RNASEH1: variants seen among roughly 807,000 people sequenced by gnomAD.
RNASEH1 encodes the protein ribonuclease H1.
In RNASEH1, 27 loss-of-function variants were observed where a neutral mutation model predicts 34.6. That is an observed-to-expected ratio of 0.78 (90% confidence interval 0.58 to 1.08). The LOEUF (loss-of-function observed/expected upper bound fraction) is 1.08, where lower values mean the gene tolerates loss of function less well. Among genes scored for constraint, RNASEH1 ranks in the 50% least tolerant of loss-of-function variants. The pLI is 0.00. For missense variants in RNASEH1, 349 were observed against 373.6 expected, an observed-to-expected ratio of 0.93 and a Z score of 0.54; for synonymous variants, 162 against 138.4, an observed-to-expected ratio of 1.17 and a Z score of -1.20.
Position 3,552,111 on chromosome 2 carries a change from G to GT in RNASEH1, c.409+32dup. 3 of 1,574,036 alleles carry GT rather than the reference G, an allele frequency of 1.9e-6. No homozygotes were observed. In the South Asian group the frequency reaches 3.5e-5, roughly 18 times the overall value. On this transcript the variant is annotated intron_variant, in intron 3 of 7. Transcript: ENST00000315212. ...TACACATAACATTTTCCTGACTGTG[G>GT]TATTAAAATCTGAAAACCCAAGGAA...
intron 7 of RNASEH1, 56 bp from the exon 8 acceptor site, chr2:3,545,927 T>C (rs930224700): frequency 1.6e-6 from 2 of 1,230,286 alleles, no homozygotes; most frequent in South Asian, 2.4e-5. Context: ...AAGCAACACA[T>C]GACTATATTG....
chr2:3,556,694 C>T, intron 2 of RNASEH1, 95 bp downstream of exon 2: 2 of 751,716 alleles, frequency 2.7e-6, no homozygotes, highest in Non-Finnish European at 4.6e-6. Flanking sequence ...AGGTTCCCTA[C>T]ATGCCTAGAG....
rs1668308211 is a variant in RNASEH1, at chr2:3,541,546, G to A, written c.*4239C>T. Among the ~76,000 whole-genome samples the A allele has an allele frequency of 6.6e-6, 1 of 152,168 alleles. No homozygotes were observed. The highest frequency in any genetic ancestry group is 2.1e-4 in the South Asian group (1 of 4,832). ...GTATATCCATGCAATACAAAATGTG[G>A]ATTATTGATGTACACAAAATGGGTG... On this transcript the variant is annotated 3_prime_UTR_variant, in exon 8 of 8. Transcript: ENST00000315212.
chr2:3,554,252 A>T (rs1429589483), intron 2 of RNASEH1, among the ~76,000 whole-genome samples: 1 of 152,254 alleles, frequency 6.6e-6, no homozygotes, highest in Non-Finnish European at 1.5e-5. Flanking sequence ...CTACTGAAGT[A>T]AATGCAGATA....
In RNASEH1 at chr2:3,541,873, C is replaced by A. The variant is rs1210651544; in HGVS notation, c.*3912G>T. Among the ~76,000 whole-genome samples, 1 of 152,180 alleles carries A rather than the reference C, an allele frequency of 6.6e-6. No homozygotes were observed. Among genetic ancestry groups the A allele is most frequent in the Non-Finnish European group, 1.5e-5 (1 of 68,036 alleles). ...AGCTGTTTTAAAAAGCAAGGTGGGG[C>A]CGGCTTTGGTGGCTCACACCTGTAA... is the stretch of plus-strand genomic sequence containing the variant. On this transcript the variant is annotated 3_prime_UTR_variant, in exon 8 of 8. Transcript: ENST00000315212.
At chr2:3,546,213 A>C (rs1247135017) in intron 7 of RNASEH1, among the ~76,000 whole-genome samples, 3 of 152,210 alleles carry the variant, frequency 2.0e-5, no homozygotes, top group African/African-American at 7.2e-5. Context: ...ACACACACAC[A>C]CGCTTCCCTT....
At chr2:3,546,883 G>A (rs1396992205) in intron 7 of RNASEH1, among the ~76,000 whole-genome samples, 1 of 152,202 alleles carries the variant, frequency 6.6e-6, no homozygotes, top group African/African-American at 2.4e-5. Flanking sequence ...AGCACTTTGA[G>A]AGGCCAAGGC....
At chr2:3,547,797 T>C (rs1452829172) in intron 7 of RNASEH1, 134 bp downstream of exon 7, 6 of 929,260 alleles carry the variant, frequency 6.5e-6, no homozygotes, top group Non-Finnish European at 9.9e-6. Context: ...TCAAATACGT[T>C]GTAATATACA....
At chr2:3,532,365 G>C in the RNASEH1 span, 3 of 702,182 alleles carry the variant, frequency 4.3e-6, no homozygotes, top group African/African-American at 5.2e-5. Flanking sequence ...GTGCCAGCCA[G>C]AGAGGGCCCG....
At chr2:3,533,286 CAGCGGAA>C in the RNASEH1 span, 1 of 152,222 alleles carries the variant, frequency 6.6e-6, no homozygotes, top group African/African-American at 2.4e-5. Flanking sequence ...CAAATAAAAC[CAGCGGAA>C]AGCAGCCCAC....
chr2:3,534,621 G>A, the RNASEH1 span, among the ~76,000 whole-genome samples: 8 of 152,380 alleles, frequency 5.3e-5, no homozygotes, highest in Admixed American at 1.3e-4. Flanking sequence ...GGCTGAGCGC[G>A]GATCCTGTGG....
intron 7 of RNASEH1, 113 bp downstream of exon 7, chr2:3,547,818 A>T: frequency 9.7e-7 from 1 of 1,027,532 alleles, no homozygotes; most frequent in South Asian, 1.4e-5. Context: ...TTATGATATT[A>T]ATATCATGGA....
At chr2:3,536,088 T>G in the RNASEH1 span, among the ~76,000 whole-genome samples, 1 of 152,142 alleles carries the variant, frequency 6.6e-6, no homozygotes, top group Non-Finnish European at 1.5e-5. Flanking sequence ...AAAAGAACAT[T>G]GCCAGCAGAG....
At chr2:3,550,585 G>A (rs552097127) in intron 3 of RNASEH1, 113 bp from the exon 4 acceptor site, 14 of 777,306 alleles carry the variant, frequency 1.8e-5, no homozygotes, top group South Asian at 4.3e-5. Flanking sequence ...ATTTTACAAC[G>A]CTGCAGACGT....
chr2:3,548,956 AAT>A, intron 5 of RNASEH1, 100 bp downstream of exon 5: 3 of 1,018,128 alleles, frequency 2.9e-6, no homozygotes, highest in African/African-American at 1.6e-5. Flanking sequence ...TCTCTCTTCA[AAT>A]ATCTTATATG....
At chr2:3,550,207 G>A (rs1171254338) in intron 4 of RNASEH1, 166 bp downstream of exon 4, 77 of 465,422 alleles carry the variant, frequency 1.7e-4, no homozygotes, top group Middle Eastern at 7.0e-4. Flanking sequence ...GTTCTGAAAA[G>A]CAATGCCGCT....
intron 2 of RNASEH1, among the ~76,000 whole-genome samples, chr2:3,553,211 G>GC (rs1196008120): frequency 6.6e-6 from 1 of 151,460 alleles, no homozygotes; most frequent in Non-Finnish European, 1.5e-5. Context: ...TCGCGCCACT[G>GC]CACTCCAGCC....
chr2:3,532,722 C>CA, the RNASEH1 span, among the ~76,000 whole-genome samples: 3 of 152,148 alleles, frequency 2.0e-5, no homozygotes, highest in African/African-American at 7.2e-5. Context: ...GCATCATTGA[C>CA]AGAAATGTTG....
chr2:3,550,527 C>A, intron 3 of RNASEH1, 55 bp from the exon 4 acceptor site: 1 of 1,377,524 alleles, frequency 7.3e-7, no homozygotes, highest in East Asian at 2.3e-5. Flanking sequence ...AACTGAAATT[C>A]ACCTCAAAAA....
Sources: allele counts gnomAD v4.1 joint callset (sites outside exome capture counted in the v4.1 genomes callset), GRCh38; gene constraint gnomAD v4.1.1; transcripts MANE v1.5; gene names NCBI Gene and HGNC (gene_info 2026-07-23, HGNC 2026-07-21).